The following PIGN variants were observed in gnomAD, a reference collection of about 807,000 sequenced individuals.
PIGN encodes the protein GPI ethanolamine phosphate transferase 1.
PIGN carries 117 observed loss-of-function variants against 125.4 expected under a neutral mutation model. The observed-to-expected ratio is 0.93, with a 90% CI of 0.80 to 1.09. PIGN has a LOEUF of 1.09. PIGN is among the 50% of genes least tolerant of loss of function. The pLI, the probability that PIGN is intolerant of heterozygous loss-of-function variation, is 0.00. For missense variants in PIGN, 1,075 were observed against 1,094.9 expected, an observed-to-expected ratio of 0.98 and a Z score of 0.26; for synonymous variants, 392 against 377.8, an observed-to-expected ratio of 1.04 and a Z score of -0.44.
chr18:62,113,361 AAAACC>A, intron 15 of PIGN, 45 bp from the exon 16 acceptor site: 1 of 1,440,530 alleles, frequency 6.9e-7, no homozygotes, highest in East Asian at 2.3e-5. Context: ...AAATAATAAG[AAAACC>A]TACATTTTAA....
intron 23 of PIGN, among the ~76,000 whole-genome samples, chr18:62,029,516 C>T (rs2030165699): frequency 6.6e-6 from 1 of 152,152 alleles, no homozygotes; most frequent in African/African-American, 2.4e-5. Context: ...GATATATTTG[C>T]ATTGTCAACA....
At chr18:62,080,844 T>A (rs1051747637) in intron 28 of PIGN, among the ~76,000 whole-genome samples, 2 of 152,156 alleles carry the variant, frequency 1.3e-5, no homozygotes, top group African/African-American at 4.8e-5. Flanking sequence ...ATTGCTTACA[T>A]CCATAAGCAT....
chr18:62,065,899 G>T (rs928344600), intron 30 of PIGN, among the ~76,000 whole-genome samples: 1 of 152,154 alleles, frequency 6.6e-6, no homozygotes, highest in Non-Finnish European at 1.5e-5. Context: ...AGGCATCAAG[G>T]TAAGCAAAGG....
chr18:62,099,721 G>A (rs1249332313), intron 22 of PIGN, among the ~76,000 whole-genome samples: 1 of 152,026 alleles, frequency 6.6e-6, no homozygotes, highest in African/African-American at 2.4e-5. Context: ...GGAAAGGACT[G>A]TCTCTCCAAT....
At chr18:62,177,167 G>C (rs1420085152) in intron 1 of PIGN, among the ~76,000 whole-genome samples, 1 of 151,988 alleles carries the variant, frequency 6.6e-6, no homozygotes, top group East Asian at 1.9e-4. Flanking sequence ...AATTAAAGAT[G>C]GTGTCCCATA....
At chr18:62,169,968 T>C (rs1041669983) in intron 1 of PIGN, among the ~76,000 whole-genome samples, 2 of 152,200 alleles carry the variant, frequency 1.3e-5, no homozygotes, top group Non-Finnish European at 2.9e-5. Context: ...TTTTCCAAAA[T>C]TGTTGTACAA....
chr18:62,041,622 G>A lies in PIGN; in HGVS notation c.*4234C>T, dbSNP rs1032786997. The A allele has an allele frequency of 2.0e-5, 3 of 147,516 alleles. No individual in the cohort carries two copies. The highest frequency in any genetic ancestry group is 2.9e-5 in the Non-Finnish European group (2 of 68,068). 9.1% of individuals were successfully genotyped at this position (147,516 alleles called of 1,614,324 possible). ...GGCTCCTGAGTAGCAAGGATTACAGGAGCCTACCACCCCGCCGGGTGTGTG... is the reference window on the plus strand; with the variant it reads ...GGCTCCTGAGTAGCAAGGATTACAGAAGCCTACCACCCCGCCGGGTGTGTG... On this transcript the variant is annotated 3_prime_UTR_variant, in exon 31 of 31. Transcript: ENST00000640252.
intron 1 of PIGN, chr18:62,184,674 A>G (rs1201325023): frequency 6.6e-6 from 1 of 152,202 alleles, no homozygotes; most frequent in African/African-American, 2.4e-5. Flanking sequence ...CTGAGGAAAC[A>G]TTTTAAATCT....
intron 14 of PIGN, among the ~76,000 whole-genome samples, chr18:62,126,532 T>C (rs2035542321): frequency 6.6e-6 from 1 of 152,184 alleles, no homozygotes; most frequent in Non-Finnish European, 1.5e-5. Context: ...CTTTTTAAAG[T>C]CTCTGCATCC....
chr18:62,051,430 G>T (rs1176716356), intron 30 of PIGN, among the ~76,000 whole-genome samples: 1 of 152,112 alleles, frequency 6.6e-6, no homozygotes, highest in Non-Finnish European at 1.5e-5. Flanking sequence ...TTAGTCTTGG[G>T]AGGGTGTATG....
At chr18:62,121,720 A>G (rs1283042970) in intron 14 of PIGN, among the ~76,000 whole-genome samples, 4 of 152,160 alleles carry the variant, frequency 2.6e-5, no homozygotes, top group African/African-American at 9.7e-5. Flanking sequence ...TTATGAATGA[A>G]TAACATTGCA....
intron 1 of PIGN, among the ~76,000 whole-genome samples, chr18:62,180,405 A>C (rs1017871609): frequency 6.6e-6 from 1 of 152,212 alleles, no homozygotes; most frequent in Non-Finnish European, 1.5e-5. Context: ...TCTAATAAAC[A>C]AAATTTTCAA....
intron 26 of PIGN, 147 bp from the exon 27 acceptor site, chr18:62,084,753 A>G (rs2033612751): frequency 1.5e-6 from 1 of 652,238 alleles, no homozygotes; most frequent in East Asian, 2.8e-5. Context: ...ACTAAAATGA[A>G]CGCAGTAGAT....
rs1209645922 is a variant in PIGN, at chr18:62,044,558, A to G, written c.*1298T>C. 1.3e-5 allele frequency: 2 copies of G among 152,226 alleles called. No individual in the cohort carries two copies. Among genetic ancestry groups the G allele is most frequent in the African/African-American group, 4.8e-5 (2 of 41,456 alleles). The allele number at this position is 152,226 out of a possible 1,614,324, so 9.4% of individuals were successfully genotyped here. Reference sequence around the variant, plus strand: ...TATACCATAAAGTAGTATTACAAATAAATTATGACTATACTTCATCATAAA... The same window carrying G: ...TATACCATAAAGTAGTATTACAAATGAATTATGACTATACTTCATCATAAA... On this transcript the variant is annotated 3_prime_UTR_variant, in exon 31 of 31. Coordinates refer to ENST00000640252, the MANE Select transcript of PIGN (RefSeq NM_176787.5).
chr18:62,096,721 C>A (rs2034219785), intron 22 of PIGN, among the ~76,000 whole-genome samples: 1 of 110,660 alleles, frequency 9.0e-6, no homozygotes, highest in Admixed American at 9.2e-5. Flanking sequence ...GTGATATTCC[C>A]CTTCCTGTGT....
chr18:62,020,007 G>C (rs1162975787), intron 23 of PIGN, among the ~76,000 whole-genome samples: 1 of 152,248 alleles, frequency 6.6e-6, no homozygotes, highest in Non-Finnish European at 1.5e-5. Flanking sequence ...CGGTCCCATT[G>C]GGAGAGTGCT....
At chr18:62,147,213 C>T (rs2036366961) in intron 8 of PIGN, 112 bp from the exon 9 acceptor site, 2 of 1,285,622 alleles carry the variant, frequency 1.6e-6, no homozygotes, top group Non-Finnish European at 2.1e-6. Context: ...TTTTAGATTT[C>T]ATCTTTAATA....
At chr18:62,032,379 G>C (rs1476948287) in intron 23 of PIGN, among the ~76,000 whole-genome samples, 1 of 152,182 alleles carries the variant, frequency 6.6e-6, no homozygotes, top group Admixed American at 6.5e-5. Context: ...TCATCCTTCT[G>C]CTTCACATGC....
intron 22 of PIGN, among the ~76,000 whole-genome samples, chr18:62,096,777 C>T (rs1180148209): frequency 5.6e-5 from 7 of 125,578 alleles, no homozygotes; most frequent in Admixed American, 2.6e-4. Flanking sequence ...TGAGAATATG[C>T]GGTGTTTGGT....
Sources: allele counts gnomAD v4.1 joint callset (sites outside exome capture counted in the v4.1 genomes callset), GRCh38; gene constraint gnomAD v4.1.1; transcripts MANE v1.5; gene names NCBI Gene and HGNC (gene_info 2026-07-23, HGNC 2026-07-21).